The following ECD variants were observed in gnomAD, a reference collection of about 807,000 sequenced individuals.
The protein encoded by ECD is ecdysoneless cell cycle regulator, also known as protein ecdysoneless homolog.
In ECD, 59 loss-of-function variants were observed where a neutral mutation model predicts 77.2. That is an observed-to-expected ratio of 0.76 (90% CI 0.62 to 0.95). ECD has a LOEUF of 0.95. Ranked by LOEUF, ECD falls within the 40% of genes least tolerant of loss-of-function variation. The pLI, the probability that ECD is intolerant of heterozygous loss-of-function variation, is 0.00. For missense variants in ECD, 704 were observed against 763.4 expected (o/e 0.92, Z 0.92); for synonymous variants, 233 against 267.4 (o/e 0.87, Z 1.26).
chr10:73,143,676 C>T (rs1331564115), intron 9 of ECD, among the ~76,000 whole-genome samples: 2 of 151,874 alleles, frequency 1.3e-5, no homozygotes, highest in African/African-American at 2.4e-5. Flanking sequence ...ATTTATCCTT[C>T]GAGTTACAAA....
Position 73,139,373 on chromosome 10 carries a change from CTTCAG to C in ECD, c.1352_1356del (p.Thr451SerfsTer26), listed in dbSNP as rs763460587. ...ATGAAAGCTTTCATGCTCTCTGAGA[CTTCAG>C]TTAAGTCATAGTTCTGCTCCTTCTC... On this transcript the variant is annotated frameshift_variant, in exon 11 of 14. Transcript: ENST00000372979. LOFTEE classifies it high-confidence loss of function. The C allele has an allele frequency of 1.2e-6, 2 of 1,614,166 alleles. No homozygotes were observed. Among genetic ancestry groups the C allele is most frequent in the East Asian group, 4.5e-5 (2 of 44,884 alleles).
intron 13 of ECD, among the ~76,000 whole-genome samples, 173 bp downstream of exon 13, chr10:73,136,531 G>A (rs1390768318): frequency 2.0e-5 from 3 of 152,118 alleles, no homozygotes; most frequent in Non-Finnish European, 4.4e-5. Context: ...TGAAGCTTAT[G>A]TTTTGGAAAA....
intron 3 of ECD, among the ~76,000 whole-genome samples, chr10:73,159,405 A>T (rs993387171): frequency 5.3e-5 from 8 of 152,244 alleles, no homozygotes; most frequent in African/African-American, 1.9e-4. Flanking sequence ...ATACATATTT[A>T]AAAATACGTG....
At chr10:73,142,266 C>T (rs1347838531) in intron 9 of ECD, among the ~76,000 whole-genome samples, 1 of 151,964 alleles carries the variant, frequency 6.6e-6, no homozygotes, top group Admixed American at 6.6e-5. Context: ...ATCTCGGTCT[C>T]CCAAAGTGCT....
chr10:73,153,704 TGA>T (rs918830251), intron 6 of ECD, among the ~76,000 whole-genome samples: 1 of 121,922 alleles, frequency 8.2e-6, no homozygotes, highest in African/African-American at 3.3e-5. Context: ...CCAGCCTGGG[TGA>T]GAGAGTGAGA....
In ECD at chr10:73,133,861, G is replaced by A. The variant is rs1218775814; in HGVS notation, c.*722C>T. ...ATCAGGTATGAAATATCCAAAATAG[G>A]CAAATCCATAGAGACAGAAAGTAGA... On this transcript the variant is annotated 3_prime_UTR_variant, in exon 14 of 14. Coordinates refer to ENST00000372979, the MANE Select transcript of ECD (RefSeq NM_007265.3). 6.6e-6 allele frequency: 1 copy of A among 151,862 alleles called. No homozygotes were observed. The highest frequency in any genetic ancestry group is 6.6e-5 in the Admixed American group (1 of 15,230). 9.4% of individuals were successfully genotyped at this position (151,862 alleles called of 1,614,324 possible).
Position 73,134,352 on chromosome 10 carries a change from G to A in ECD, c.*231C>T, listed in dbSNP as rs1842953659. ...TGAAGTGTGTGAATTTCATCTCAAG[G>A]TTGTCTAGGGGCTAGATTCTACCCT... On this transcript the variant is annotated 3_prime_UTR_variant, in exon 14 of 14. Transcript: ENST00000372979. 8.0e-6 allele frequency: 4 copies of A among 500,704 alleles called. No homozygotes were observed. Among genetic ancestry groups the A allele is most frequent in the African/African-American group, 3.8e-5 (2 of 52,378 alleles). 31.0% of individuals were successfully genotyped at this position (500,704 alleles called of 1,614,324 possible).
intron 7 of ECD, among the ~76,000 whole-genome samples, chr10:73,150,613 G>A (rs1843189456): frequency 6.6e-6 from 1 of 152,152 alleles, no homozygotes; most frequent in Admixed American, 6.6e-5. Context: ...GAAAATTTTT[G>A]CAATCTACTT....
At chr10:73,144,708 A>C (rs1028798641) in intron 9 of ECD, among the ~76,000 whole-genome samples, 1 of 152,120 alleles carries the variant, frequency 6.6e-6, no homozygotes, top group African/African-American at 2.4e-5. Context: ...CTTGCCCAAA[A>C]TTCTTTCTTG....
At chr10:73,161,403 A>G (rs1843379522) in intron 2 of ECD, among the ~76,000 whole-genome samples, 1 of 152,214 alleles carries the variant, frequency 6.6e-6, no homozygotes, top group Non-Finnish European at 1.5e-5. Context: ...TAGAAATAAG[A>G]AGGATAAGAG....
At chr10:73,157,885 A>G (rs1411625880) in intron 3 of ECD, among the ~76,000 whole-genome samples, 2 of 152,052 alleles carry the variant, frequency 1.3e-5, no homozygotes, top group African/African-American at 4.8e-5. Context: ...CCTTTTTTAC[A>G]CAAGACATGG....
Position 73,163,758 on chromosome 10 carries a change from G to C in ECD, c.180C>G (p.Phe60Leu). 6.2e-7 allele frequency: 1 copy of C among 1,614,106 alleles called. No homozygotes were observed. Among genetic ancestry groups the C allele is most frequent in the Non-Finnish European group, 8.5e-7 (1 of 1,180,022 alleles). ...CTTTCCCAGGTTTATATTTAAGATT[G>C]AAAGGCTGATTCTGCCAGATGTAGG... ...LVPYIWQNQP[F>L]NLKYKPGKGG... The change falls in exon 2 of 14, where the codon TTC becomes TTG. Residue 60 changes from phenylalanine to leucine, a missense_variant. This residue lies in a region of ECD where 559 missense variants were observed against 583.7 expected (regional missense o/e 0.96). Coordinates refer to ENST00000372979, the MANE Select transcript of ECD (RefSeq NM_007265.3).
At chr10:73,155,052 A>C (rs1368787365) in intron 5 of ECD, among the ~76,000 whole-genome samples, 2 of 152,064 alleles carry the variant, frequency 1.3e-5, no homozygotes. Flanking sequence ...TTTATTTTTT[A>C]TTTATTATTA....
At chr10:73,136,609 T>C (rs903611458) in intron 13 of ECD, 95 bp downstream of exon 13, 10 of 1,131,618 alleles carry the variant, frequency 8.8e-6, no homozygotes, top group African/African-American at 6.2e-5. Flanking sequence ...ATTTCAAATC[T>C]CACACACCAA....
Position 73,146,375 on chromosome 10 carries a change from AAAG to A in ECD, c.1042-17_1042-15del, listed in dbSNP as rs954196183. On this transcript the variant is annotated splice_polypyrimidine_tract_variant and intron_variant, in intron 8 of 13. Coordinates refer to ENST00000372979, the MANE Select transcript of ECD (RefSeq NM_007265.3). ...TTCTATCAGTCCCTTAAAAAAAAAA[AAAG>A]GTCTATCAGAACATTACTCACAAGT... is the stretch of plus-strand genomic sequence containing the variant. The A allele has an allele frequency of 1.3e-6, 2 of 1,573,720 alleles. No individual in the cohort carries two copies. The highest frequency in any genetic ancestry group is 1.4e-5 in the African/African-American group (1 of 72,960).
chr10:73,162,940 C>T (rs1184342575), intron 2 of ECD, among the ~76,000 whole-genome samples: 2 of 152,190 alleles, frequency 1.3e-5, no homozygotes, highest in Admixed American at 6.5e-5. Flanking sequence ...CCAAGGAAAA[C>T]AGTGTCATTG....
intron 2 of ECD, among the ~76,000 whole-genome samples, chr10:73,161,249 GA>G (rs774090776): frequency 9.5e-5 from 14 of 147,374 alleles, no homozygotes; most frequent in Admixed American, 3.4e-4. Flanking sequence ...ATAGAGACCA[GA>G]AAAAATAATA....
intron 12 of ECD, 51 bp downstream of exon 12, chr10:73,137,952 C>T: frequency 7.2e-7 from 1 of 1,386,288 alleles, no homozygotes; most frequent in South Asian, 1.4e-5. Context: ...CTAGCAACAG[C>T]CATACTACTA....
rs1843412191 is a variant in ECD at position 73,163,812 on chromosome 10, T to C, written c.126A>G (p.Ile42Met). ...KEILQKYIERIITRFAPMLVP... is the reference protein window; with the variant it reads ...KEILQKYIERMITRFAPMLVP... The stretch of plus-strand genomic sequence containing the variant: ...CCAGCATAGGTGCAAACCGAGTGAT[T>C]ATTCTCTCAATGTACTTCTGAAGAA... Residue 42 changes from isoleucine to methionine, a missense_variant, in exon 2 of 14, where the codon ATA (isoleucine) becomes ATG (methionine). Ile to Met is a conservative substitution (Grantham distance 10). Coordinates refer to ENST00000372979, the MANE Select transcript of ECD (RefSeq NM_007265.3). 1 of 1,614,072 alleles carries C rather than the reference T, an allele frequency of 6.2e-7. No homozygotes were observed. The highest frequency in any genetic ancestry group is 1.7e-5 in the Admixed American group (1 of 59,994).
Sources: allele counts gnomAD v4.1 joint callset (sites outside exome capture counted in the v4.1 genomes callset), GRCh38; gene constraint gnomAD v4.1.1; regional missense constraint gnomAD v4.1.1; transcripts MANE v1.5; gene names NCBI Gene and HGNC (gene_info 2026-07-23, HGNC 2026-07-21).